Variants in OGDH observed in about 807,000 individuals in gnomAD.
OGDH encodes oxoglutarate dehydrogenase, also known as 2-oxoglutarate dehydrogenase complex component E1.
In OGDH, 38 loss-of-function variants were observed where a neutral mutation model predicts 116.6. The ratio of observed to expected loss-of-function variants is 0.33; its 90% CI spans 0.25 to 0.43. The LOEUF is 0.43. Among genes scored for constraint, OGDH ranks in the 20% least tolerant of loss-of-function variants. The pLI is 1.00. For synonymous variants in OGDH, 488 were observed against 533.3 expected, an observed-to-expected ratio of 0.92 and a Z score of 1.17; for missense variants, 825 against 1,357.2, an observed-to-expected ratio of 0.61 and a Z score of 6.16.
chr7:44,620,646 A>G (rs1784974332), intron 1 of OGDH, among the ~76,000 whole-genome samples: 3 of 152,228 alleles, frequency 2.0e-5, no homozygotes, highest in Admixed American at 1.3e-4. Context: ...TTTTAAAGCA[A>G]GCTTGTCCAA....
intron 10 of OGDH, 87 bp downstream of exon 10, chr7:44,681,935 T>C: frequency 6.6e-7 from 1 of 1,520,938 alleles, no homozygotes; most frequent in African/African-American, 1.4e-5. Context: ...TTCACTGTTT[T>C]CTGATTATAA....
intron 5 of OGDH, among the ~76,000 whole-genome samples, chr7:44,667,403 A>G (rs1787231845): frequency 6.6e-6 from 1 of 152,162 alleles, no homozygotes; most frequent in Admixed American, 6.5e-5. Flanking sequence ...AGTCACTTCA[A>G]CCCTGAGGGA....
intron 5 of OGDH, among the ~76,000 whole-genome samples, chr7:44,669,960 C>G (rs1787363485): frequency 3.3e-5 from 5 of 152,172 alleles, no homozygotes; most frequent in Admixed American, 3.3e-4. Context: ...ATGTGGTGGT[C>G]AATTTGTACC....
chr7:44,607,981 G>T (rs576773031), intron 1 of OGDH, among the ~76,000 whole-genome samples: 2 of 149,918 alleles, frequency 1.3e-5, no homozygotes, highest in Non-Finnish European at 3.0e-5. Context: ...GATTACAGGC[G>T]TGAGCCACTG....
At chr7:44,648,627 A>G (rs866780561) in intron 4 of OGDH, among the ~76,000 whole-genome samples, 1 of 151,126 alleles carries the variant, frequency 6.6e-6, no homozygotes, top group African/African-American at 2.5e-5. Context: ...GCCTCCTCAC[A>G]GGCACTTTTG....
intron 5 of OGDH, among the ~76,000 whole-genome samples, chr7:44,672,490 A>T (rs957254567): frequency 6.6e-6 from 1 of 152,094 alleles, no homozygotes; most frequent in Non-Finnish European, 1.5e-5. Context: ...GTTGGCCCAC[A>T]TTAGGGCCTA....
chr7:44,644,797 C>T (rs563433990), intron 2 of OGDH, among the ~76,000 whole-genome samples: 34 of 152,314 alleles, frequency 2.2e-4, no homozygotes, highest in African/African-American at 7.7e-4. Context: ...AGCAAGGTGA[C>T]CCTGGGCTCT....
chr7:44,708,140 G>C lies in OGDH; in HGVS notation c.*141G>C. On this transcript the variant is annotated 3_prime_UTR_variant, in exon 23 of 23. Coordinates refer to ENST00000222673, the MANE Select transcript of OGDH (RefSeq NM_002541.4). ...CACCACCCCTCCCTCTGCTCTCATA[G>C]GAGTTAGGCTGTCGTCCCCCTCCAG... 8.3e-7 allele frequency: 1 copy of C among 1,201,858 alleles called. No homozygotes were observed. Among genetic ancestry groups the C allele is most frequent in the Non-Finnish European group, 1.2e-6 (1 of 867,636 alleles). The allele number at this position is 1,201,858 out of a possible 1,614,324, so 74.4% of individuals were successfully genotyped here.
intron 2 of OGDH, 62 bp downstream of exon 2, chr7:44,624,627 C>A: frequency 6.9e-7 from 1 of 1,450,496 alleles, no homozygotes; most frequent in South Asian, 1.1e-5. Context: ...CCTGACTGGT[C>A]ACCAGGTAAG....
intron 2 of OGDH, among the ~76,000 whole-genome samples, chr7:44,641,125 TCTC>T (rs1785915309): frequency 6.7e-6 from 1 of 149,290 alleles, no homozygotes; most frequent in Admixed American, 6.7e-5. Context: ...ATGGTCTCGA[TCTC>T]CTAACCTCGT....
chr7:44,703,941 C>T (rs1323875291), intron 20 of OGDH, among the ~76,000 whole-genome samples: 1 of 151,792 alleles, frequency 6.6e-6, no homozygotes, highest in African/African-American at 2.4e-5. Context: ...ACATTTTGCT[C>T]ATCCATTCAT....
chr7:44,622,698 G>A (rs190886277), intron 1 of OGDH: 141 of 152,200 alleles, frequency 9.3e-4, no homozygotes, highest in African/African-American at 3.1e-3. Flanking sequence ...GATTTTCTTC[G>A]GGTAGGTGTG....
chr7:44,626,922 C>T (rs78182023), intron 2 of OGDH, among the ~76,000 whole-genome samples: 22 of 152,306 alleles, frequency 1.4e-4, no homozygotes, highest in South Asian at 6.2e-4. Context: ...CCATCCCAGA[C>T]GGCAAGGTGG....
At chr7:44,640,585 G>A (rs966249929) in intron 2 of OGDH, among the ~76,000 whole-genome samples, 2 of 152,218 alleles carry the variant, frequency 1.3e-5, no homozygotes, top group Admixed American at 6.5e-5. Flanking sequence ...GAGGCTGTCT[G>A]TACAGCTGGA....
chr7:44,630,762 C>T (rs1785404031), intron 2 of OGDH, among the ~76,000 whole-genome samples: 1 of 152,192 alleles, frequency 6.6e-6, no homozygotes, highest in Admixed American at 6.5e-5. Flanking sequence ...TTGTTTGTGG[C>T]AGCAGTCCCC....
chr7:44,645,173 G>A, intron 2 of OGDH, among the ~76,000 whole-genome samples, 154 bp from the exon 3 acceptor site: 1 of 152,162 alleles, frequency 6.6e-6, no homozygotes, highest in Non-Finnish European at 1.5e-5. Flanking sequence ...CCCACCGTTT[G>A]GGAACAGACA....
At chr7:44,686,832 C>T (rs755349944) in intron 10 of OGDH, among the ~76,000 whole-genome samples, 4 of 151,198 alleles carry the variant, frequency 2.6e-5, no homozygotes, top group Non-Finnish European at 5.9e-5. Context: ...TGACTACAGG[C>T]GCCTGCCACC....
intron 10 of OGDH, among the ~76,000 whole-genome samples, chr7:44,686,298 T>A (rs962250636): frequency 2.0e-5 from 3 of 152,232 alleles, no homozygotes; most frequent in African/African-American, 4.8e-5. Flanking sequence ...TTTGTAGATG[T>A]CCCTTACCAT....
chr7:44,637,508 T>C (rs1026899444), intron 2 of OGDH, among the ~76,000 whole-genome samples: 2 of 152,228 alleles, frequency 1.3e-5, no homozygotes, highest in African/African-American at 4.8e-5. Flanking sequence ...ACTGGATTTT[T>C]AGAAATAATG....
Sources: gnomAD v4.1 joint callset for allele counts (sites outside exome capture counted in the v4.1 genomes callset) on GRCh38, gnomAD v4.1.1 for gene constraint, MANE v1.5 for transcripts, NCBI Gene and HGNC (gene_info 2026-07-23, HGNC 2026-07-21) for gene names.